Variants in PPP2R2C observed in about 807,000 individuals in gnomAD.
The protein encoded by PPP2R2C is protein phosphatase 2 regulatory subunit Bgamma, also known as protein phosphatase 2, regulatory subunit B, gamma.
In PPP2R2C, 10 loss-of-function variants were observed where a neutral mutation model predicts 45.3. The ratio of observed to expected loss-of-function variants is 0.22; its 90% confidence interval spans 0.14 to 0.37. The LOEUF (loss-of-function observed/expected upper bound fraction) is 0.37. Among genes scored for constraint, PPP2R2C ranks in the 10% least tolerant of loss-of-function variants. The probability of loss-of-function intolerance (pLI) is 1.00; values close to 1 mark genes in which losing one functional copy is unlikely to be tolerated. For missense variants in PPP2R2C, 308 were observed against 619.7 expected, an observed-to-expected ratio of 0.50 and a Z score of 5.34; for synonymous variants, 257 against 245.4, an observed-to-expected ratio of 1.05 and a Z score of -0.44.
chr4:6,446,818 G>C (rs891971422), intron 1 of PPP2R2C, among the ~76,000 whole-genome samples: 3 of 152,024 alleles, frequency 2.0e-5, no homozygotes, highest in Non-Finnish European at 4.4e-5. Context: ...ACAAAAGGGA[G>C]GCTCAGAGAG....
chr4:6,388,131 T>C (rs543877117), intron 1 of PPP2R2C, among the ~76,000 whole-genome samples: 4 of 152,228 alleles, frequency 2.6e-5, no homozygotes, highest in Non-Finnish European at 4.4e-5. Flanking sequence ...AAACTCATGC[T>C]GTCCTTCCCC....
intron 2 of PPP2R2C, among the ~76,000 whole-genome samples, chr4:6,517,069 A>G (rs956454930): frequency 1.3e-5 from 2 of 152,176 alleles, no homozygotes; most frequent in Non-Finnish European, 2.9e-5. Context: ...AATAACTGTG[A>G]GTGGCTTTCC....
At chr4:6,529,399 G>A (rs1030127813) in intron 2 of PPP2R2C, among the ~76,000 whole-genome samples, 2 of 152,244 alleles carry the variant, frequency 1.3e-5, no homozygotes, top group East Asian at 3.8e-4. Flanking sequence ...AGCCAGCAGG[G>A]GGCTCATAGT....
At chr4:6,334,458 CCAGA>C (rs772911233) in intron 6 of PPP2R2C, among the ~76,000 whole-genome samples, 3 of 152,258 alleles carry the variant, frequency 2.0e-5, no homozygotes, top group Admixed American at 6.5e-5. Context: ...TGAGGACTCC[CCAGA>C]CAGTGTCCCC....
rs7678282 is a variant in PPP2R2C, at chr4:6,323,149, G to C, written c.*153C>G. On this transcript the variant is annotated 3_prime_UTR_variant, in exon 9 of 9. Transcript: ENST00000382599. Reference sequence around the variant, plus strand: ...GCCTAGGAAAGCTGGGGCAGGGAGGGGGCCCAAACTTCCTGTGTCCACACA... The same window carrying C: ...GCCTAGGAAAGCTGGGGCAGGGAGGCGGCCCAAACTTCCTGTGTCCACACA... 165 of 851,304 alleles carry C rather than the reference G, an allele frequency of 1.9e-4. 2 individuals are homozygous for C. In the African/African-American group the frequency reaches 2.6e-3, roughly 13 times the overall value. 52.7% of individuals were successfully genotyped at this position (851,304 alleles called of 1,614,324 possible).
intron 5 of PPP2R2C, among the ~76,000 whole-genome samples, chr4:6,366,626 G>A (rs1390688444): frequency 6.6e-6 from 1 of 152,230 alleles, no homozygotes; most frequent in Non-Finnish European, 1.5e-5. Flanking sequence ...GAGGGGTGTG[G>A]CAGGGACAGG....
chr4:6,322,056 T>A lies in PPP2R2C; in HGVS notation c.*1246A>T, dbSNP rs1731583188. 1 of 151,180 alleles carries A rather than the reference T, an allele frequency of 6.6e-6. No homozygotes were observed. Among genetic ancestry groups the A allele is most frequent in the South Asian group, 2.1e-4 (1 of 4,748 alleles). 9.4% of individuals were successfully genotyped at this position (151,180 alleles called of 1,614,324 possible). On this transcript the variant is annotated 3_prime_UTR_variant, in exon 9 of 9. Coordinates refer to ENST00000382599, the MANE Select transcript of PPP2R2C (RefSeq NM_020416.4). The surrounding 1 kb of genome is among the most constrained non-coding windows in gnomAD (Gnocchi z 7.8). ...AAGCAGAGCGAGGAGCTCCGGGGGG[T>A]CTTCTCTGTCTTCCATCCTGCGTCT...
chr4:6,392,632 G>A (rs918466744), intron 1 of PPP2R2C, among the ~76,000 whole-genome samples: 1 of 152,174 alleles, frequency 6.6e-6, no homozygotes, highest in Non-Finnish European at 1.5e-5. Flanking sequence ...CGTGTGAGAG[G>A]GATGGGGCAG....
intron 1 of PPP2R2C, among the ~76,000 whole-genome samples, chr4:6,406,510 G>A (rs1429706245): frequency 2.6e-5 from 4 of 152,028 alleles, no homozygotes; most frequent in Admixed American, 2.6e-4. Flanking sequence ...CGGGTAGATC[G>A]CTTGAGCCCA....
At chr4:6,359,813 C>T (rs909740129) in intron 5 of PPP2R2C, among the ~76,000 whole-genome samples, 39 of 152,220 alleles carry the variant, frequency 2.6e-4, no homozygotes, top group African/African-American at 8.4e-4. Context: ...GTAAGGTGGG[C>T]ACAGGAACCA....
intron 5 of PPP2R2C, among the ~76,000 whole-genome samples, chr4:6,351,804 A>T (rs539004419): frequency 3.3e-5 from 5 of 152,226 alleles, no homozygotes; most frequent in Non-Finnish European, 7.4e-5. Flanking sequence ...TGGGCAGCAC[A>T]GCACCCTTCA....
At chr4:6,473,175 C>T (rs62284532), upstream of PPP2R2C, among the ~76,000 whole-genome samples, 19,069 of 152,044 alleles carry the variant, frequency 0.13, 1,389 homozygotes, top group Middle Eastern at 0.17. Context: ...GGGCCTCCCC[C>T]AGGCAGGGCT....
At chr4:6,484,852 T>C (rs1722479609) in intron 2 of PPP2R2C, among the ~76,000 whole-genome samples, 1 of 151,946 alleles carries the variant, frequency 6.6e-6, no homozygotes, top group Non-Finnish European at 1.5e-5. Flanking sequence ...TCTACATAAA[T>C]AATCATGTCA....
intron 1 of PPP2R2C, among the ~76,000 whole-genome samples, chr4:6,435,968 G>C (rs1441129443): frequency 1.3e-5 from 2 of 152,190 alleles, no homozygotes; most frequent in Non-Finnish European, 2.9e-5. Flanking sequence ...GATGGTCTTA[G>C]GAAGTAACGT....
At chr4:6,489,325 T>A (rs1214964433) in intron 2 of PPP2R2C, among the ~76,000 whole-genome samples, 1 of 152,150 alleles carries the variant, frequency 6.6e-6, no homozygotes, top group African/African-American at 2.4e-5. Context: ...GTCTGGTCCC[T>A]GTTATTCCAT....
intron 1 of PPP2R2C, among the ~76,000 whole-genome samples, chr4:6,464,657 T>C (rs1360299352): frequency 6.6e-6 from 1 of 152,342 alleles, no homozygotes; most frequent in Non-Finnish European, 1.5e-5. Flanking sequence ...CTAATGTTGA[T>C]CAGCATGTGG....
intron 1 of PPP2R2C, among the ~76,000 whole-genome samples, chr4:6,422,213 G>A (rs1017225606): frequency 1.3e-5 from 2 of 152,184 alleles, no homozygotes; most frequent in African/African-American, 4.8e-5. Context: ...CCAGCCAATA[G>A]CAGGGCACTG....
chr4:6,533,562 G>A (rs1345183940), intron 2 of PPP2R2C, among the ~76,000 whole-genome samples: 1 of 152,196 alleles, frequency 6.6e-6, no homozygotes, highest in Non-Finnish European at 1.5e-5. Context: ...GAAACATACT[G>A]TTTTATGTCG....
intron 1 of PPP2R2C, among the ~76,000 whole-genome samples, chr4:6,448,269 C>A (rs185893148): frequency 8.3e-4 from 127 of 152,260 alleles, no homozygotes; most frequent in African/African-American, 2.8e-3. Flanking sequence ...GATGGGTACA[C>A]TGGGCACAGG....
Sources: allele counts gnomAD v4.1 joint callset (sites outside exome capture counted in the v4.1 genomes callset), GRCh38; gene constraint gnomAD v4.1.1; non-coding constraint Gnocchi (gnomAD v3.1); transcripts MANE v1.5; gene names NCBI Gene and HGNC (gene_info 2026-07-23, HGNC 2026-07-21).